Variants in RBM39 observed in about 807,000 individuals in gnomAD.
RBM39 encodes the protein RNA-binding protein 39.
In RBM39, 12 loss-of-function variants were observed where a neutral mutation model predicts 79.6. That is an observed-to-expected ratio of 0.15 (90% CI 0.10 to 0.24). The LOEUF (loss-of-function observed/expected upper bound fraction) is 0.24. Ranked by LOEUF, RBM39 falls within the 10% of genes least tolerant of loss-of-function variation. RBM39 has a pLI of 1.00. For synonymous variants in RBM39, 185 were observed against 208.4 expected (o/e 0.89, Z 0.97); for missense variants, 243 against 653.4 (o/e 0.37, Z 6.85).
Position 35,701,763 on chromosome 20 carries a change from A to C in RBM39, c.*2718T>G, listed in dbSNP as rs1288040433. ...AGCGAGACTCTGTCTCAAAACAAAA[A>C]AAATTTGTATTCTTAGTAGAGACGG... On this transcript the variant is annotated 3_prime_UTR_variant, in exon 17 of 17. Coordinates refer to ENST00000253363, the MANE Select transcript of RBM39 (RefSeq NM_184234.3). 3 of 152,114 alleles carry C rather than the reference A, an allele frequency of 2.0e-5. No homozygotes were observed. The highest frequency in any genetic ancestry group is 6.5e-5 in the Admixed American group (1 of 15,270). The allele number at this position is 152,114 out of a possible 1,614,324, so 9.4% of individuals were successfully genotyped here.
chr20:35,719,246 G>A (rs1230589847), intron 9 of RBM39, among the ~76,000 whole-genome samples: 1 of 152,032 alleles, frequency 6.6e-6, no homozygotes, highest in African/African-American at 2.4e-5. Context: ...TGGCCAGACT[G>A]GTCTCGAACT....
At chr20:35,732,277 A>G in intron 3 of RBM39, 142 bp from the exon 4 acceptor site, 1 of 606,478 alleles carries the variant, frequency 1.6e-6, no homozygotes, top group East Asian at 3.0e-5. Context: ...ACATAATCAT[A>G]CTTAAAAAAA....
At position 35,713,343 on chromosome 20, in the gene RBM39, T is replaced by C; in HGVS notation, c.1097-247A>G. 3 of 343,358 alleles carry C rather than the reference T, an allele frequency of 8.7e-6. No homozygotes were observed. In the South Asian group the frequency reaches 1.1e-4, roughly 12 times the overall value. 21.3% of individuals were successfully genotyped at this position (343,358 alleles called of 1,614,324 possible). On this transcript the variant is annotated intron_variant, in intron 11 of 16. Transcript: ENST00000253363. ...TTTTTTTTTTGAGATGGAGTATCGCTCTTGTTGCACAGGCTCTTGTTGCAC... is the reference window on the plus strand; with the variant it reads ...TTTTTTTTTTGAGATGGAGTATCGCCCTTGTTGCACAGGCTCTTGTTGCAC...
intron 3 of RBM39, chr20:35,734,660 G>A: frequency 2.2e-6 from 1 of 444,960 alleles, no homozygotes; most frequent in African/African-American, 2.0e-5. Flanking sequence ...TTTAACTTAA[G>A]GTCTTCTAGG....
rs544289799 is a variant in RBM39, at chr20:35,709,114, T to G, written c.1225+110A>C. 6.0e-5 allele frequency: 56 copies of G among 927,056 alleles called. 1 individual carries two copies. The highest frequency in any genetic ancestry group is 5.1e-4 in the Middle Eastern group (2 of 3,888). The allele number at this position is 927,056 out of a possible 1,614,324, so 57.4% of individuals were successfully genotyped here. On this transcript the variant is annotated intron_variant, in intron 13 of 16. Transcript: ENST00000253363. ...CCACTATGTGTCACTGTGTCAAAAT[T>G]TGGTCCAAATTACTGGTATAAAAAT... is the stretch of plus-strand genomic sequence containing the variant.
chr20:35,723,508 G>A (rs2038257931), intron 8 of RBM39, among the ~76,000 whole-genome samples: 2 of 152,142 alleles, frequency 1.3e-5, no homozygotes, highest in Non-Finnish European at 2.9e-5. Context: ...GCGTGATCTT[G>A]CCTCACTGCA....
At chr20:35,714,098 T>C in intron 11 of RBM39, 87 bp downstream of exon 11, 1 of 1,333,714 alleles carries the variant, frequency 7.5e-7, no homozygotes, top group South Asian at 1.3e-5. Flanking sequence ...AGATAAAATC[T>C]TTTTCCCTTT....
At position 35,721,839 on chromosome 20, in the gene RBM39, T is replaced by C. The variant is rs781486688; in HGVS notation, c.726A>G (p.Leu242=). ...TCATAGGTCCAGCACTTCCCTTTTG[T>C]AAATTGTTTGCCATTGCTGCAGCTC... The part of the protein sequence containing the change: ...KNRAAAMANN[L]QKGSAGPMRL... The change falls in exon 9 of 17, where the codon TTA becomes TTG. Residue 242 remains leucine, a synonymous_variant. Coordinates refer to ENST00000253363, the MANE Select transcript of RBM39 (RefSeq NM_184234.3). 6.2e-7 allele frequency: 1 copy of C among 1,613,992 alleles called. No individual in the cohort carries two copies. Among genetic ancestry groups the C allele is most frequent in the South Asian group, 1.1e-5 (1 of 91,080 alleles).
At chr20:35,712,648 AAT>A (rs1228956542) in intron 12 of RBM39, among the ~76,000 whole-genome samples, 1 of 152,048 alleles carries the variant, frequency 6.6e-6, no homozygotes, top group Non-Finnish European at 1.5e-5. Flanking sequence ...TTACTACTAC[AAT>A]AGTTTTAAGT....
At chr20:35,715,656 C>T (rs1569008549) in intron 10 of RBM39, among the ~76,000 whole-genome samples, 1 of 152,104 alleles carries the variant, frequency 6.6e-6, no homozygotes, top group Non-Finnish European at 1.5e-5. Context: ...CTGGCTGACC[C>T]CTATATGTAT....
chr20:35,717,533 C>T (rs987290665), intron 9 of RBM39, among the ~76,000 whole-genome samples: 2 of 151,980 alleles, frequency 1.3e-5, no homozygotes, highest in Non-Finnish European at 1.5e-5. Context: ...CAGACAGAAT[C>T]GTAAAAATGG....
At chr20:35,716,125 G>A (rs2037099652) in intron 10 of RBM39, among the ~76,000 whole-genome samples, 1 of 151,994 alleles carries the variant, frequency 6.6e-6, no homozygotes, top group Non-Finnish European at 1.5e-5. Flanking sequence ...GAGCACTGCA[G>A]CGCAATAGCA....
chr20:35,733,631 ACT>A (rs1315143253), intron 3 of RBM39, among the ~76,000 whole-genome samples: 36 of 152,166 alleles, frequency 2.4e-4, no homozygotes, highest in African/African-American at 8.7e-4. Context: ...AAGAAAAAGA[ACT>A]AACGCATTAA....
intron 4 of RBM39, among the ~76,000 whole-genome samples, chr20:35,731,032 G>A (rs1301793775): frequency 1.3e-5 from 2 of 152,106 alleles, no homozygotes; most frequent in African/African-American, 2.4e-5. Context: ...TAGCTTATCT[G>A]AAACTTATTA....
intron 3 of RBM39, chr20:35,734,413 C>G (rs770704581): frequency 5.1e-5 from 16 of 312,122 alleles, no homozygotes; most frequent in Non-Finnish European, 9.7e-5. Context: ...CCTAAGAAAC[C>G]TAACACTATC....
chr20:35,729,519 G>C lies in RBM39; in HGVS notation c.305C>G (p.Pro102Arg), dbSNP rs368057412. 1 of 1,613,714 alleles carries C rather than the reference G, an allele frequency of 6.2e-7. No homozygotes were observed. Among genetic ancestry groups the C allele is most frequent in the Non-Finnish European group, 8.5e-7 (1 of 1,179,934 alleles). Residue 102 changes from proline to arginine, a missense_variant, in exon 5 of 17, where the codon CCA becomes CGA. This residue lies in a region of RBM39 where 115 missense variants were observed against 184.1 expected (regional missense o/e 0.62). Coordinates refer to ENST00000253363, the MANE Select transcript of RBM39 (RefSeq NM_184234.3). ...RGRYRSPYSG[P>R]KFNSAIRGKI... Reference sequence around the variant, plus strand: ...TCCTCGGATGGCACTGTTAAATTTTGGTCCGGAGCTAAAAAGGAAACACAA... The same window carrying C: ...TCCTCGGATGGCACTGTTAAATTTTCGTCCGGAGCTAAAAAGGAAACACAA...
chr20:35,740,506 TA>T, intron 2 of RBM39: 1 of 1,294,188 alleles, frequency 7.7e-7, no homozygotes, highest in Non-Finnish European at 1.0e-6. Context: ...GGTACAGCGA[TA>T]AGTCACTCAA....
rs192494455 is a variant in RBM39, at chr20:35,738,070, C to T, written c.101+898G>A. Among the ~76,000 whole-genome samples, 49 of 151,374 alleles carry T rather than the reference C, an allele frequency of 3.2e-4. 1 individual carries two copies. In the East Asian group the frequency reaches 8.8e-3, roughly 27 times the overall value. Reference sequence around the variant, plus strand: ...TAATCGGAGGCTGAGGCAGGGGAATCACTTGAATCTGGGAGGCAGTGGTTG... The same window carrying T: ...TAATCGGAGGCTGAGGCAGGGGAATTACTTGAATCTGGGAGGCAGTGGTTG... On this transcript the variant is annotated intron_variant, in intron 3 of 16. Transcript: ENST00000253363.
chr20:35,735,137 C>G lies in RBM39; in HGVS notation c.102-3002G>C. 4 of 1,443,702 alleles carry G rather than the reference C, an allele frequency of 2.8e-6. No individual in the cohort carries two copies. The South Asian group carries it at 6.3e-5, about 23-fold the overall frequency. The allele number at this position is 1,443,702 out of a possible 1,614,324, so 89.4% of individuals were successfully genotyped here. A position where few individuals can be genotyped will look rare whatever the true frequency, so the allele number is the denominator to read the frequency against. On this transcript the variant is annotated intron_variant, in intron 3 of 16. Transcript: ENST00000253363. ...ATTTATTCCAAAATTTATAGATAAT[C>G]CACACCACAGTAGCCAATATATTTC...
Sources: gnomAD v4.1 joint callset for allele counts (sites outside exome capture counted in the v4.1 genomes callset) on GRCh38, gnomAD v4.1.1 for gene constraint, gnomAD v4.1.1 regional missense constraint, MANE v1.5 for transcripts, NCBI Gene and HGNC (gene_info 2026-07-23, HGNC 2026-07-21) for gene names.